The following ADGRB3 variants were observed in gnomAD, a reference collection of about 807,000 sequenced individuals.
ADGRB3 encodes adhesion G protein-coupled receptor B3.
ADGRB3 carries 37 observed loss-of-function variants against 193.4 expected under a neutral mutation model. The ratio of observed to expected loss-of-function variants is 0.19; its 90% CI spans 0.15 to 0.25. The LOEUF is 0.25. ADGRB3 is among the 10% of genes least tolerant of loss of function. ADGRB3 has a pLI of 1.00. For missense variants in ADGRB3, 1,637 were observed against 1,852.9 expected, an observed-to-expected ratio of 0.88 and a Z score of 2.14; for synonymous variants, 690 against 644.2, an observed-to-expected ratio of 1.07 and a Z score of -1.08.
intron 20 of ADGRB3, among the ~76,000 whole-genome samples, chr6:69,311,173 A>T (rs1482913215): frequency 6.6e-6 from 1 of 151,800 alleles, no homozygotes; most frequent in East Asian, 1.9e-4. Context: ...TTCTCGCAAT[A>T]GCATGAATTG....
intron 3 of ADGRB3, among the ~76,000 whole-genome samples, chr6:68,696,026 TTCTGTTTA>T (rs1765151226): frequency 6.6e-6 from 1 of 151,952 alleles, no homozygotes; most frequent in South Asian, 2.1e-4. Context: ...TCTTTTCAGG[TTCTGTTTA>T]TCTGAATCTC....
At chr6:68,677,296 C>A (rs571614679) in intron 3 of ADGRB3, among the ~76,000 whole-genome samples, 90 of 152,226 alleles carry the variant, frequency 5.9e-4, no homozygotes, top group African/African-American at 2.1e-3. Flanking sequence ...TGCATTTATA[C>A]TGGCTCTGGT....
At chr6:68,946,481 G>T (rs1286257464) in intron 6 of ADGRB3, among the ~76,000 whole-genome samples, 5 of 152,002 alleles carry the variant, frequency 3.3e-5, no homozygotes, top group Non-Finnish European at 7.4e-5. Context: ...ATATAAATAC[G>T]CTAGCTTCAA....
chr6:69,221,127 G>A (rs1374705091), intron 17 of ADGRB3, among the ~76,000 whole-genome samples: 2 of 151,954 alleles, frequency 1.3e-5, no homozygotes, highest in South Asian at 2.1e-4. Flanking sequence ...ATTTTCAAAT[G>A]TATGAGGTTA....
chr6:69,219,461 GTATATATA>G (rs3839475), intron 17 of ADGRB3, among the ~76,000 whole-genome samples: 1,423 of 98,940 alleles, frequency 0.014, 58 homozygotes, highest in African/African-American at 0.041. Flanking sequence ...ACACACACAC[GTATATATA>G]TATATATATA....
chr6:69,298,466 A>G (rs548755700), intron 20 of ADGRB3, among the ~76,000 whole-genome samples: 1 of 152,146 alleles, frequency 6.6e-6, no homozygotes, highest in Admixed American at 6.6e-5. Context: ...CTGTTGTGCT[A>G]CTGAACACTA....
intron 3 of ADGRB3, among the ~76,000 whole-genome samples, chr6:68,861,060 C>A (rs1183898702): frequency 6.6e-6 from 1 of 152,236 alleles, no homozygotes; most frequent in South Asian, 2.1e-4. Context: ...CTCATGGACC[C>A]TGGAGAGAGT....
At chr6:69,216,867 A>G (rs1420204204) in intron 17 of ADGRB3, among the ~76,000 whole-genome samples, 4 of 152,176 alleles carry the variant, frequency 2.6e-5, no homozygotes, top group Admixed American at 2.6e-4. Context: ...CAATCTGGAT[A>G]AAGAGAGGAA....
chr6:69,122,827 A>AACAT (rs565947895), intron 17 of ADGRB3, among the ~76,000 whole-genome samples: 254 of 152,106 alleles, frequency 1.7e-3, no homozygotes, highest in South Asian at 5.2e-3. Flanking sequence ...GCTGGTTTCA[A>AACAT]ACATACATAC....
chr6:69,162,559 A>G (rs979157748), intron 17 of ADGRB3, among the ~76,000 whole-genome samples: 1 of 152,104 alleles, frequency 6.6e-6, no homozygotes, highest in African/African-American at 2.4e-5. Context: ...AAACATTCAA[A>G]TGCCTTTCTC....
At chr6:69,121,786 G>A (rs1235340737) in intron 17 of ADGRB3, among the ~76,000 whole-genome samples, 32 of 151,112 alleles carry the variant, frequency 2.1e-4, no homozygotes, top group Middle Eastern at 6.8e-3. Flanking sequence ...ACGGGGTGGC[G>A]GCCGGGCAGA....
chr6:68,883,442 G>C (rs975708876), intron 3 of ADGRB3, among the ~76,000 whole-genome samples: 1 of 152,188 alleles, frequency 6.6e-6, no homozygotes, highest in Non-Finnish European at 1.5e-5. Flanking sequence ...CGTTGTAGGA[G>C]CTTTGTTTAT....
chr6:68,869,245 C>T lies in ADGRB3; in HGVS notation c.758-61314C>T, dbSNP rs551058049. Among the ~76,000 whole-genome samples the T allele has an allele frequency of 3.3e-5, 5 of 152,174 alleles. No individual in the cohort carries two copies. The South Asian group carries it at 1.0e-3, about 32-fold the overall frequency. On this transcript the variant is annotated intron_variant, in intron 3 of 31. Coordinates refer to ENST00000370598, the MANE Select transcript of ADGRB3 (RefSeq NM_001704.3). ...AACCAAAGACTCCCAAGTTTTTAAT[C>T]CCTTCAGAAATGTAAATAGCCTCTG...
At chr6:68,693,666 G>A (rs556091476) in intron 3 of ADGRB3, among the ~76,000 whole-genome samples, 7 of 151,998 alleles carry the variant, frequency 4.6e-5, no homozygotes, top group African/African-American at 1.4e-4. Flanking sequence ...TCCAACTCTG[G>A]GTTTTAGGCT....
At chr6:69,089,004 T>C (rs1772630700) in intron 17 of ADGRB3, among the ~76,000 whole-genome samples, 1 of 152,234 alleles carries the variant, frequency 6.6e-6, no homozygotes, top group Middle Eastern at 3.2e-3. Flanking sequence ...ATTACAGGTT[T>C]AGAAAAGGAG....
intron 3 of ADGRB3, among the ~76,000 whole-genome samples, chr6:68,891,471 G>A (rs1766075005): frequency 6.6e-6 from 1 of 152,156 alleles, no homozygotes; most frequent in South Asian, 2.1e-4. Context: ...ATAAGAAAAG[G>A]CTAGACAAGA....
chr6:69,153,560 T>C (rs1342399598), intron 17 of ADGRB3, among the ~76,000 whole-genome samples: 1 of 152,150 alleles, frequency 6.6e-6, no homozygotes, highest in African/African-American at 2.4e-5. Context: ...CAGCATAGCC[T>C]TGGTCCTAAA....
chr6:68,864,016 T>A (rs1765225922), intron 3 of ADGRB3, among the ~76,000 whole-genome samples: 1 of 152,202 alleles, frequency 6.6e-6, no homozygotes, highest in African/African-American at 2.4e-5. Flanking sequence ...TCATTATAAT[T>A]CAGTATTTAT....
chr6:69,239,118 G>T lies in ADGRB3; in HGVS notation c.2712-6G>T. 6.5e-7 allele frequency: 1 copy of T among 1,549,670 alleles called. No individual in the cohort carries two copies. The highest frequency in any genetic ancestry group is 1.7e-5 in the Admixed American group (1 of 58,264). ...AAAGTTGGGTAACTTTTCTCTCTCTGGCTAGGTACATACGCTCTGAGAGAT... is the reference window on the plus strand; with the variant it reads ...AAAGTTGGGTAACTTTTCTCTCTCTTGCTAGGTACATACGCTCTGAGAGAT... On this transcript the variant is annotated splice_polypyrimidine_tract_variant and splice_region_variant and intron_variant, in intron 19 of 31. Transcript: ENST00000370598.
Sources: gnomAD v4.1 joint callset for allele counts (sites outside exome capture counted in the v4.1 genomes callset) on GRCh38, gnomAD v4.1.1 for gene constraint, MANE v1.5 for transcripts, NCBI Gene and HGNC (gene_info 2026-07-23, HGNC 2026-07-21) for gene names.